Variants in IL1RAP observed in about 807,000 individuals in gnomAD.
The protein encoded by IL1RAP is interleukin-1 receptor accessory protein.
IL1RAP carries 35 observed loss-of-function variants against 60.7 expected under a neutral mutation model. The ratio of observed to expected loss-of-function variants is 0.58; its 90% CI spans 0.44 to 0.76. The LOEUF is 0.76. IL1RAP is among the 30% of genes least tolerant of loss of function. IL1RAP has a pLI of 0.00. For synonymous variants in IL1RAP, 268 were observed against 250.9 expected, an observed-to-expected ratio of 1.07 and a Z score of -0.64; for missense variants, 572 against 693.9, an observed-to-expected ratio of 0.82 and a Z score of 1.97.
Position 190,650,046 on chromosome 3 carries a change from C to T in IL1RAP, c.*1341C>T. On this transcript the variant is annotated 3_prime_UTR_variant, in exon 12 of 12. Transcript: ENST00000447382. ...ATTACATATATCTGTGTATATAAAT[C>T]CACATGCACATGAAATATATATATA... 3 of 600,086 alleles carry T rather than the reference C, an allele frequency of 5.0e-6. No individual in the cohort carries two copies. The highest frequency in any genetic ancestry group is 6.3e-6 in the Non-Finnish European group (3 of 479,256). 37.2% of individuals were successfully genotyped at this position (600,086 alleles called of 1,614,324 possible). A position where few individuals can be genotyped will look rare whatever the true frequency, so the allele number is the denominator to read the frequency against.
rs1734223901 is a variant in IL1RAP, at chr3:190,648,828, T to C, written c.*123T>C. 1 of 1,447,974 alleles carries C rather than the reference T, an allele frequency of 6.9e-7. No individual in the cohort carries two copies. Among genetic ancestry groups the C allele is most frequent in the Non-Finnish European group, 9.1e-7 (1 of 1,100,950 alleles). 89.7% of individuals were successfully genotyped at this position (1,447,974 alleles called of 1,614,324 possible). ...AATGGTCTAAGCCTCCCAATAGGGA[T>C]AAATTTAGGGTGACTGTGTGGCTGA... On this transcript the variant is annotated 3_prime_UTR_variant, in exon 12 of 12. Transcript: ENST00000447382.
At chr3:190,638,863 A>G (rs1733433570) in intron 9 of IL1RAP, among the ~76,000 whole-genome samples, 1 of 152,088 alleles carries the variant, frequency 6.6e-6, no homozygotes, top group East Asian at 1.9e-4. Flanking sequence ...GCCTTTGTCA[A>G]TATTTTCACA....
At chr3:190,560,665 G>T (rs1011001928) in intron 2 of IL1RAP, among the ~76,000 whole-genome samples, 2 of 152,152 alleles carry the variant, frequency 1.3e-5, no homozygotes, top group African/African-American at 4.8e-5. Flanking sequence ...CCCACCCTTG[G>T]CACAGCAAAC....
chr3:190,553,527 G>A (rs566673885), intron 1 of IL1RAP, among the ~76,000 whole-genome samples: 167 of 152,252 alleles, frequency 1.1e-3, no homozygotes, highest in African/African-American at 3.9e-3. Flanking sequence ...TCTCCAATGG[G>A]GTTGAACCCC....
intron 1 of IL1RAP, among the ~76,000 whole-genome samples, chr3:190,543,630 C>T (rs1297797238): frequency 1.3e-5 from 2 of 152,062 alleles, no homozygotes; most frequent in Non-Finnish European, 2.9e-5. Flanking sequence ...GGTATGTGTA[C>T]ACTTGGAGAG....
At position 190,627,977 on chromosome 3, in the gene IL1RAP, A is replaced by G. The variant is rs547179486; in HGVS notation, c.902+528A>G. 2.6e-5 allele frequency among the ~76,000 whole-genome samples: 4 copies of G among 151,746 alleles called. No individual in the cohort carries two copies. The East Asian group carries it at 5.8e-4, about 22-fold the overall frequency. On this transcript the variant is annotated intron_variant, in intron 8 of 11. Coordinates refer to ENST00000447382, the MANE Select transcript of IL1RAP (RefSeq NM_002182.4). ...TCTCTCTCCTCCTCTTTCTTATCTC[A>G]TATAACCTATAGTTACATTTATAAT...
At chr3:190,628,802 A>G (rs371515566) in intron 8 of IL1RAP, among the ~76,000 whole-genome samples, 2 of 152,346 alleles carry the variant, frequency 1.3e-5, no homozygotes. Flanking sequence ...TAATACCTAC[A>G]TGAATATTTA....
chr3:190,518,553 TCTGTGTTCATG>T (rs1721733915), intron 1 of IL1RAP: 2 of 152,294 alleles, frequency 1.3e-5, no homozygotes, highest in Admixed American at 6.5e-5. Flanking sequence ...TATGTATTAG[TCTGTGTTCATG>T]CTGCTGATAA....
chr3:190,643,247 A>G (rs1733785173), intron 9 of IL1RAP, among the ~76,000 whole-genome samples: 1 of 152,188 alleles, frequency 6.6e-6, no homozygotes, highest in Admixed American at 6.5e-5. Flanking sequence ...TTTATTCTAT[A>G]AAAGCTTATA....
intron 3 of IL1RAP, among the ~76,000 whole-genome samples, chr3:190,583,692 C>T (rs776021308): frequency 2.6e-5 from 4 of 152,150 alleles, no homozygotes; most frequent in Non-Finnish European, 5.9e-5. Flanking sequence ...AAACTGAGAG[C>T]AGCCATCTAT....
chr3:190,537,930 C>A (rs546109436), intron 1 of IL1RAP, among the ~76,000 whole-genome samples: 1 of 152,142 alleles, frequency 6.6e-6, no homozygotes, highest in East Asian at 1.9e-4. Context: ...CTCTAAATAT[C>A]TCATGTACTT....
At chr3:190,641,208 A>G (rs1039312012) in intron 9 of IL1RAP, among the ~76,000 whole-genome samples, 1 of 152,150 alleles carries the variant, frequency 6.6e-6, no homozygotes, top group Non-Finnish European at 1.5e-5. Context: ...CAGGTGATCC[A>G]CCGGTCTTGG....
intron 1 of IL1RAP, among the ~76,000 whole-genome samples, chr3:190,535,400 A>G (rs111957847): frequency 1.5e-4 from 23 of 152,320 alleles, no homozygotes; most frequent in African/African-American, 4.8e-4. Context: ...CTAGTTTTGC[A>G]TATGTGTGTG....
chr3:190,520,771 A>G (rs1721950290), intron 1 of IL1RAP, among the ~76,000 whole-genome samples: 1 of 152,200 alleles, frequency 6.6e-6, no homozygotes, highest in Non-Finnish European at 1.5e-5. Context: ...TTCTGGCACA[A>G]AAGTCCTCAT....
intron 3 of IL1RAP, among the ~76,000 whole-genome samples, chr3:190,577,959 A>C (rs1022662339): frequency 6.6e-6 from 1 of 152,200 alleles, no homozygotes; most frequent in African/African-American, 2.4e-5. Context: ...ATTTAGGATT[A>C]TGGCCTCCAA....
At chr3:190,554,624 G>T (rs1725239627) in intron 1 of IL1RAP, 2 of 151,960 alleles carry the variant, frequency 1.3e-5, no homozygotes, top group South Asian at 4.2e-4. Context: ...TTATTTTTTG[G>T]CCATGCAGTC....
chr3:190,595,220 C>T (rs1729280765), intron 3 of IL1RAP, among the ~76,000 whole-genome samples: 1 of 152,170 alleles, frequency 6.6e-6, no homozygotes, highest in African/African-American at 2.4e-5. Context: ...TAGTATTTGG[C>T]ACATGACGGA....
At chr3:190,548,035 A>C (rs1724536244) in intron 1 of IL1RAP, among the ~76,000 whole-genome samples, 1 of 152,028 alleles carries the variant, frequency 6.6e-6, no homozygotes, top group Non-Finnish European at 1.5e-5. Context: ...TTTCTGAAAG[A>C]ATTGGGGGAA....
intron 2 of IL1RAP, among the ~76,000 whole-genome samples, chr3:190,556,543 C>T (rs1312607767): frequency 4.6e-5 from 7 of 152,130 alleles, no homozygotes; most frequent in African/African-American, 1.2e-4. Flanking sequence ...TCCTGAGCCA[C>T]GATTTTCCAA....
Sources: allele counts gnomAD v4.1 joint callset (sites outside exome capture counted in the v4.1 genomes callset), GRCh38; gene constraint gnomAD v4.1.1; transcripts MANE v1.5; gene names NCBI Gene and HGNC (gene_info 2026-07-23, HGNC 2026-07-21).